NT5C3A: variants seen among roughly 807,000 people sequenced by gnomAD.
NT5C3A encodes the protein cytosolic 5'-nucleotidase 3A.
Under a neutral mutation model 40.0 loss-of-function variants are expected in NT5C3A, and 23 were observed. The ratio of observed to expected loss-of-function variants is 0.58; its 90% confidence interval spans 0.41 to 0.81. The LOEUF (loss-of-function observed/expected upper bound fraction) is 0.81, where lower values mean the gene tolerates loss of function less well. Among genes scored for constraint, NT5C3A ranks in the 40% least tolerant of loss-of-function variants. The probability of loss-of-function intolerance (pLI) is 0.00; values close to 1 mark genes in which losing one functional copy is unlikely to be tolerated. For missense variants in NT5C3A, 328 were observed against 403.0 expected (o/e 0.81, Z 1.59); for synonymous variants, 130 against 141.4 (o/e 0.92, Z 0.57).
chr7:33,020,763 T>C (rs1785579911), intron 5 of NT5C3A, among the ~76,000 whole-genome samples: 1 of 140,732 alleles, frequency 7.1e-6, no homozygotes, highest in Non-Finnish European at 1.5e-5. Context: ...CCTTTTAAGT[T>C]TGTCATGATC....
In NT5C3A at chr7:33,062,754, CGT is replaced by C; in HGVS notation, c.-51_-50del. On this transcript the variant is annotated 5_prime_UTR_variant, in exon 1 of 9. Coordinates refer to ENST00000610140, the MANE Select transcript of NT5C3A (RefSeq NM_001002010.5). The stretch of plus-strand genomic sequence containing the variant: ...AAGCAGGAAAAAAACAGGCAGCTCG[CGT>C]AGACTGCGAGTCTCGGAAGCGCGGG... 1 of 1,549,248 alleles carries C rather than the reference CGT, an allele frequency of 6.5e-7. No homozygotes were observed. Among genetic ancestry groups the C allele is most frequent in the Non-Finnish European group, 8.7e-7 (1 of 1,146,510 alleles).
chr7:33,028,308 CTT>C (rs1341628892), intron 1 of NT5C3A, among the ~76,000 whole-genome samples: 1 of 152,134 alleles, frequency 6.6e-6, no homozygotes, highest in Non-Finnish European at 1.5e-5. Flanking sequence ...GTTATGAAGA[CTT>C]TAGGGTTGCT....
intron 1 of NT5C3A, among the ~76,000 whole-genome samples, chr7:33,055,631 T>A (rs1343668707): frequency 6.6e-6 from 1 of 152,158 alleles, no homozygotes; most frequent in East Asian, 1.9e-4. Flanking sequence ...GGAACGACCA[T>A]CTCACGACCA....
chr7:33,053,142 AAAGATGT>A (rs1382005440), intron 1 of NT5C3A, among the ~76,000 whole-genome samples: 1 of 152,180 alleles, frequency 6.6e-6, no homozygotes, highest in East Asian at 1.9e-4. Flanking sequence ...AAAAGGATCT[AAAGATGT>A]AATGAGCCTG....
intron 1 of NT5C3A, chr7:33,041,017 G>C (rs1562599276): frequency 1.0e-6 from 1 of 985,338 alleles, no homozygotes; most frequent in African/African-American, 1.7e-5. Flanking sequence ...CTGCTGCACA[G>C]TACTTTATAT....
intron 3 of NT5C3A, among the ~76,000 whole-genome samples, chr7:33,023,567 A>C (rs185321146): frequency 6.3e-4 from 96 of 152,162 alleles, no homozygotes; most frequent in African/African-American, 2.0e-3. Flanking sequence ...CCCCAAAATA[A>C]TTTTTCAATT....
At chr7:33,040,741 T>C (rs994311568) in intron 1 of NT5C3A, 1 of 279,988 alleles carries the variant, frequency 3.6e-6, no homozygotes, top group South Asian at 1.4e-4. Flanking sequence ...TTTTGCATTA[T>C]ACTGGAACAT....
Position 33,035,974 on chromosome 7 carries a change from TG to T in NT5C3A, c.139-9060del, listed in dbSNP as rs143513903. The T allele has an allele frequency of 0.028, 44,951 of 1,613,276 alleles. 773 individuals are homozygous for T. Among genetic ancestry groups the T allele is most frequent in the Middle Eastern group, 0.035 (210 of 6,056 alleles). ...GGCAGACTCTTGATTAGTCATTTCT[TG>T]GTTATCCAATCTTCTGGATTTTCCC... On this transcript the variant is annotated intron_variant, in intron 1 of 8. Transcript: ENST00000610140.
intron 1 of NT5C3A, among the ~76,000 whole-genome samples, chr7:33,028,852 G>A (rs956743092): frequency 2.0e-5 from 3 of 152,098 alleles, no homozygotes; most frequent in East Asian, 1.9e-4. Flanking sequence ...TCAGGAGATC[G>A]AGACCATCCT....
chr7:33,047,925 T>C (rs1347329097), intron 1 of NT5C3A, among the ~76,000 whole-genome samples: 2 of 152,164 alleles, frequency 1.3e-5, no homozygotes, highest in Non-Finnish European at 2.9e-5. Flanking sequence ...GGTCAAGTGA[T>C]CCTCCTGCCT....
At chr7:33,021,095 T>A (rs1165516458) in intron 5 of NT5C3A, among the ~76,000 whole-genome samples, 177 bp downstream of exon 5, 1 of 152,214 alleles carries the variant, frequency 6.6e-6, no homozygotes, top group East Asian at 1.9e-4. Flanking sequence ...ACAAAAGGAT[T>A]CCTAAACTGT....
intron 1 of NT5C3A, among the ~76,000 whole-genome samples, chr7:33,035,335 A>G (rs1786536755): frequency 6.6e-6 from 1 of 151,920 alleles, no homozygotes; most frequent in Non-Finnish European, 1.5e-5. Context: ...CTGGGACTAC[A>G]GGAGCTTGTT....
chr7:33,046,843 G>A (rs373759485), intron 1 of NT5C3A, among the ~76,000 whole-genome samples: 8 of 149,108 alleles, frequency 5.4e-5, no homozygotes, highest in South Asian at 4.2e-4. Context: ...TCATTCTGTC[G>A]CCCAAGCTGG....
intron 5 of NT5C3A, among the ~76,000 whole-genome samples, chr7:33,020,601 G>A (rs768100919): frequency 1.3e-5 from 2 of 152,098 alleles, no homozygotes; most frequent in Non-Finnish European, 2.9e-5. Context: ...CAACTGTTAC[G>A]TAACGGGACA....
intron 1 of NT5C3A, chr7:33,038,775 T>C (rs1786742135): frequency 2.3e-6 from 1 of 444,210 alleles, no homozygotes; most frequent in South Asian, 1.6e-5. Flanking sequence ...TTTAAACCAA[T>C]AGGCTTGTAA....
intron 1 of NT5C3A, among the ~76,000 whole-genome samples, chr7:33,028,658 G>A (rs989609456): frequency 2.6e-5 from 4 of 152,154 alleles, no homozygotes; most frequent in Non-Finnish European, 5.9e-5. Context: ...ATCTCACCAC[G>A]TAAATCTATC....
At chr7:33,045,600 C>T (rs1417233278) in intron 1 of NT5C3A, among the ~76,000 whole-genome samples, 3 of 151,984 alleles carry the variant, frequency 2.0e-5, no homozygotes, top group African/African-American at 4.8e-5. Context: ...GCTGGGACTA[C>T]AGGCGTGCGC....
chr7:33,033,715 C>T (rs1240685651), intron 1 of NT5C3A, among the ~76,000 whole-genome samples: 2 of 151,884 alleles, frequency 1.3e-5, no homozygotes, highest in Non-Finnish European at 2.9e-5. Context: ...AGGGAGGAAT[C>T]AAAGTGCAGG....
At chr7:33,039,464 T>C (rs183166060) in intron 1 of NT5C3A, among the ~76,000 whole-genome samples, 1 of 151,306 alleles carries the variant, frequency 6.6e-6, no homozygotes, top group Admixed American at 6.6e-5. Flanking sequence ...TATATTACCA[T>C]AATATGGACA....
Sources: allele counts gnomAD v4.1 joint callset (sites outside exome capture counted in the v4.1 genomes callset), GRCh38; gene constraint gnomAD v4.1.1; transcripts MANE v1.5; gene names NCBI Gene and HGNC (gene_info 2026-07-23, HGNC 2026-07-21).